Variants in CAPN8 observed in about 807,000 individuals in gnomAD.
CAPN8 encodes calpain-8.
A neutral mutation model predicts 80.9 loss-of-function variants in CAPN8; 87 were observed. The ratio of observed to expected loss-of-function variants is 1.07; its 90% CI spans 0.90 to 1.28. The LOEUF (loss-of-function observed/expected upper bound fraction) is 1.28, where lower values mean the gene tolerates loss of function less well. CAPN8 is among the 50% of genes most tolerant of loss of function. The pLI is 0.00. For synonymous variants in CAPN8, 299 were observed against 273.8 expected, an observed-to-expected ratio of 1.09 and a Z score of -0.91; for missense variants, 757 against 702.0, an observed-to-expected ratio of 1.08 and a Z score of -0.89.
At chr1:223,547,373 G>A (rs1639919884) in intron 16 of CAPN8, among the ~76,000 whole-genome samples, 1 of 152,122 alleles carries the variant, frequency 6.6e-6, no homozygotes. Flanking sequence ...ACCACATATT[G>A]TATAATTTCA....
intron 2 of CAPN8, among the ~76,000 whole-genome samples, chr1:223,638,396 C>G (rs1213474955): frequency 1.3e-5 from 2 of 151,862 alleles, no homozygotes; most frequent in African/African-American, 4.8e-5. Context: ...CTCCAGTTGG[C>G]TAGAGAGGAC....
chr1:223,625,440 T>C lies in CAPN8; in HGVS notation c.813+365A>G, dbSNP rs770726978. Among the ~76,000 whole-genome samples the C allele has an allele frequency of 3.3e-5, 5 of 152,062 alleles. No individual in the cohort carries two copies. The South Asian group carries it at 1.0e-3, about 32-fold the overall frequency. On this transcript the variant is annotated intron_variant, in intron 6 of 20. Transcript: ENST00000366872. ...TAAGAGTCAGAAGAACCTTCTTTTATTTTTTTTGTTTTAGAAAAAAAATTT... is the reference window on the plus strand; with the variant it reads ...TAAGAGTCAGAAGAACCTTCTTTTACTTTTTTTGTTTTAGAAAAAAAATTT...
intron 6 of CAPN8, among the ~76,000 whole-genome samples, chr1:223,624,745 A>G (rs1216292395): frequency 6.6e-6 from 1 of 151,506 alleles, no homozygotes; most frequent in Non-Finnish European, 1.5e-5. Context: ...AAATAAATAA[A>G]ATCATTGTAA....
chr1:223,641,473 A>G (rs16841910), intron 2 of CAPN8, among the ~76,000 whole-genome samples: 15,215 of 151,934 alleles, frequency 0.1, 1,769 homozygotes, highest in African/African-American at 0.28. Context: ...CTATCTTGCA[A>G]TTGTCTCTTC....
chr1:223,663,828 A>T (rs967019072), intron 1 of CAPN8, among the ~76,000 whole-genome samples: 5 of 152,236 alleles, frequency 3.3e-5, no homozygotes, highest in Admixed American at 1.3e-4. Context: ...CAAAGTAAAA[A>T]GGGTAGAGGT....
intron 10 of CAPN8, among the ~76,000 whole-genome samples, chr1:223,615,374 G>C (rs1657138871): frequency 1.3e-5 from 2 of 152,222 alleles, no homozygotes; most frequent in Non-Finnish European, 2.9e-5. Flanking sequence ...CTGTGAGGCT[G>C]TTAAGTCTGT....
At chr1:223,558,581 G>GGT (rs1306589743) in intron 12 of CAPN8, among the ~76,000 whole-genome samples, 2 of 151,846 alleles carry the variant, frequency 1.3e-5, no homozygotes, top group East Asian at 3.9e-4. Flanking sequence ...TGTGTGCTAT[G>GGT]GTGTGTGTGT....
At chr1:223,663,718 T>C (rs1658712322) in intron 1 of CAPN8, among the ~76,000 whole-genome samples, 3 of 152,122 alleles carry the variant, frequency 2.0e-5, no homozygotes, top group Admixed American at 2.0e-4. Context: ...CCCTATAGGT[T>C]TCAGAGGGGA....
At chr1:223,619,540 T>A in intron 8 of CAPN8, 87 bp from the exon 9 acceptor site, 1 of 1,422,682 alleles carries the variant, frequency 7.0e-7, no homozygotes, top group Non-Finnish European at 9.6e-7. Flanking sequence ...AGGAGCCCTG[T>A]GGCACAGGCC....
At chr1:223,618,372 GC>G in intron 9 of CAPN8, 1 of 1,500,886 alleles carries the variant, frequency 6.7e-7, no homozygotes, top group Non-Finnish European at 9.1e-7. Context: ...CGGAGGCCAT[GC>G]TTTGCACCAT....
Position 223,619,356 on chromosome 1 carries a change from G to C in CAPN8, c.1072C>G (p.Leu358Val). 5.8e-6 allele frequency: 9 copies of C among 1,551,712 alleles called. No homozygotes were observed. The highest frequency in any genetic ancestry group is 7.8e-6 in the Non-Finnish European group (9 of 1,146,998). The change falls in exon 9 of 21, where the codon CTG (leucine) becomes GTG (valine). Residue 358 changes from leucine to valine, a missense_variant. Transcript: ENST00000366872. The part of the protein sequence containing the change: ...LSSEEVHKWN[L>V]VLFNGHWTRG... ...GTCCAGTGGCCGTTGAACAGGACCA[G>C]GTTCCATTTGTGCACCTCCTCGCTA...
At chr1:223,547,734 G>A (rs1172237380) in intron 16 of CAPN8, among the ~76,000 whole-genome samples, 1 of 152,210 alleles carries the variant, frequency 6.6e-6, no homozygotes, top group East Asian at 1.9e-4. Flanking sequence ...GAGTGGCAGA[G>A]AGTCACACTC....
chr1:223,550,502 G>A (rs1350766966), intron 15 of CAPN8, among the ~76,000 whole-genome samples: 3 of 152,178 alleles, frequency 2.0e-5, no homozygotes, highest in Non-Finnish European at 4.4e-5. Context: ...AAAATCTGAA[G>A]ATGGGGAACT....
intron 2 of CAPN8, among the ~76,000 whole-genome samples, chr1:223,653,723 C>T (rs919831988): frequency 2.0e-5 from 3 of 152,122 alleles, no homozygotes; most frequent in African/African-American, 7.2e-5. Context: ...CAATAAAGCT[C>T]ATCTGCCACC....
At chr1:223,657,258 G>T (rs1658520441) in intron 1 of CAPN8, among the ~76,000 whole-genome samples, 1 of 151,834 alleles carries the variant, frequency 6.6e-6, no homozygotes, top group Non-Finnish European at 1.5e-5. Context: ...GTTCACCCCG[G>T]GTGCCCAAGA....
chr1:223,554,757 C>T (rs1656868439), intron 13 of CAPN8, among the ~76,000 whole-genome samples: 1 of 152,204 alleles, frequency 6.6e-6, no homozygotes, highest in South Asian at 2.1e-4. Context: ...TCTGAACATC[C>T]ATGGCCTCCA....
intron 10 of CAPN8, among the ~76,000 whole-genome samples, chr1:223,614,033 A>T (rs1447820264): frequency 2.0e-5 from 3 of 152,262 alleles, no homozygotes; most frequent in African/African-American, 4.8e-5. Context: ...TATATTATTT[A>T]TGAGCGCAAA....
At position 223,628,548 on chromosome 1, in the gene CAPN8, T is replaced by C. The variant is rs1220193152; in HGVS notation, c.426+114A>G. The C allele has an allele frequency of 7.9e-6, 6 of 756,454 alleles. No individual in the cohort carries two copies. In the African/African-American group the frequency reaches 8.8e-5, roughly 11 times the overall value. The allele number at this position is 756,454 out of a possible 1,614,324, so 46.9% of individuals were successfully genotyped here. Reference sequence around the variant, plus strand: ...TGTGCATCAGAGTCACCTAGAGGGATTATTAAGACATAGGTCACTGTGCCC... The same window carrying C: ...TGTGCATCAGAGTCACCTAGAGGGACTATTAAGACATAGGTCACTGTGCCC... On this transcript the variant is annotated intron_variant, in intron 3 of 20. Transcript: ENST00000366872.
At chr1:223,545,350 T>C (rs74145908) in intron 16 of CAPN8, 51 bp from the exon 17 acceptor site, 1,550,172 of 1,550,988 alleles carry the variant, frequency 1, 774,687 homozygotes, top group Middle Eastern at 1. Flanking sequence ...ACATGCCTTA[T>C]AGATTTCTTT....
Sources: allele counts gnomAD v4.1 joint callset (sites outside exome capture counted in the v4.1 genomes callset), GRCh38; gene constraint gnomAD v4.1.1; transcripts MANE v1.5; gene names NCBI Gene and HGNC (gene_info 2026-07-23, HGNC 2026-07-21).